Variants in SHANK1 observed in about 807,000 individuals in gnomAD.
SHANK1 encodes SH3 and multiple ankyrin repeat domains 1, also known as SH3 and multiple ankyrin repeat domains protein 1.
SHANK1 carries 35 observed loss-of-function variants against 165.6 expected under a neutral mutation model. The ratio of observed to expected loss-of-function variants is 0.21; its 90% CI spans 0.16 to 0.28. The LOEUF (loss-of-function observed/expected upper bound fraction) is 0.28, where lower values mean the gene tolerates loss of function less well. Among genes scored for constraint, SHANK1 ranks in the 10% least tolerant of loss-of-function variants. The pLI, the probability that SHANK1 is intolerant of heterozygous loss-of-function variation, is 1.00. For synonymous variants in SHANK1, 1,428 were observed against 1,384.8 expected (o/e 1.03, Z -0.69); for missense variants, 2,681 against 3,036.4 (o/e 0.88, Z 2.75).
chr19:50,680,187 CGACA>C (rs1487588704), intron 21 of SHANK1, among the ~76,000 whole-genome samples: 1 of 150,964 alleles, frequency 6.6e-6, no homozygotes, highest in Non-Finnish European at 1.5e-5. Context: ...AGGCGAAGAG[CGACA>C]GACAGAGATG....
At chr19:50,695,803 C>A (rs1185532692) in intron 15 of SHANK1, among the ~76,000 whole-genome samples, 2 of 152,116 alleles carry the variant, frequency 1.3e-5, no homozygotes, top group Admixed American at 6.5e-5. Flanking sequence ...ACCCCTCCCC[C>A]ACCAGAGAAG....
intron 12 of SHANK1, 139 bp from the exon 13 acceptor site, chr19:50,698,095 G>T: frequency 1.5e-6 from 1 of 661,894 alleles, no homozygotes. Flanking sequence ...TGAGGAAGGG[G>T]CGAGGAGCTT....
chr19:50,713,879 C>T lies in SHANK1; in HGVS notation c.711G>A (p.Gly237=). ...VEVIRTLCLG[G]AHIDFRARDG... ...CCCGGGCCCGGAAGTCAATGTGGGCCCCGCCCAGGCACAGGGTTCGAATCA... is the reference window on the plus strand; with the variant it reads ...CCCGGGCCCGGAAGTCAATGTGGGCTCCGCCCAGGCACAGGGTTCGAATCA... Residue 237 remains glycine, a synonymous_variant, in exon 6 of 24, where the codon GGG becomes GGA. Transcript: ENST00000293441. This position sits in a 1 kb window ranked among gnomAD's most constrained non-coding sequence, Gnocchi z 6.2. 1.9e-6 allele frequency: 3 copies of T among 1,613,938 alleles called. No homozygotes were observed. Among genetic ancestry groups the T allele is most frequent in the Non-Finnish European group, 2.5e-6 (3 of 1,179,964 alleles).
chr19:50,663,757 GAAAAGAA>G (rs1985364980), intron 23 of SHANK1, among the ~76,000 whole-genome samples: 3 of 121,746 alleles, frequency 2.5e-5, no homozygotes, highest in Non-Finnish European at 3.7e-5. Flanking sequence ...AAAAAAAAAA[GAAAAGAA>G]AAAAAAAATC....
intron 21 of SHANK1, among the ~76,000 whole-genome samples, chr19:50,676,624 ACT>A (rs1328013403): frequency 1.3e-5 from 2 of 151,882 alleles, no homozygotes; most frequent in Non-Finnish European, 2.9e-5. Context: ...TCCTCCTGTT[ACT>A]CTGTCATAAC....
intron 21 of SHANK1, among the ~76,000 whole-genome samples, chr19:50,683,363 A>T (rs1312431465): frequency 6.6e-6 from 1 of 152,198 alleles, no homozygotes; most frequent in African/African-American, 2.4e-5. Flanking sequence ...TGGGGTTGCC[A>T]CACATTTCCC....
rs778755632 is a variant in SHANK1 at position 50,697,691 on chromosome 19, G to T, written c.1862-27C>A. ...TGCAGGGTGACAACAGACAACCTTG[G>T]ACTCTTGTTTTGGAAACCACAATCC... On this transcript the variant is annotated intron_variant, in intron 13 of 23. Transcript: ENST00000293441. The surrounding 1 kb of genome is among the most constrained non-coding windows in gnomAD (Gnocchi z 4.7). 49 of 1,610,890 alleles carry T rather than the reference G, an allele frequency of 3.0e-5. 1 individual carries two copies. The South Asian group carries it at 4.9e-4, about 16-fold the overall frequency.
At chr19:50,696,457 G>A (rs555175219) in intron 15 of SHANK1, among the ~76,000 whole-genome samples, 25 of 147,758 alleles carry the variant, frequency 1.7e-4, no homozygotes, top group Non-Finnish European at 3.4e-4. Flanking sequence ...ACACAGACAC[G>A]TAGGTTTGGA....
intron 8 of SHANK1, among the ~76,000 whole-genome samples, chr19:50,705,048 GA>G (rs983573763): frequency 4.7e-5 from 7 of 147,652 alleles, no homozygotes; most frequent in African/African-American, 9.9e-5. Flanking sequence ...CTCCCCCCCA[GA>G]AAAAAAAAAT....
intron 8 of SHANK1, among the ~76,000 whole-genome samples, chr19:50,705,818 G>A (rs1351748354): frequency 6.6e-6 from 1 of 152,184 alleles, no homozygotes; most frequent in East Asian, 1.9e-4. Flanking sequence ...CCAGGACATG[G>A]AAATTGTCTC....
rs1986364805 is a variant in SHANK1 at position 50,686,997 on chromosome 19, C to T, written c.2390-185G>A. 1 of 1,461,790 alleles carries T rather than the reference C, an allele frequency of 6.8e-7. No homozygotes were observed. 90.6% of individuals were successfully genotyped at this position (1,461,790 alleles called of 1,614,324 possible). A position where few individuals can be genotyped will look rare whatever the true frequency, so the allele number is the denominator to read the frequency against. On this transcript the variant is annotated intron_variant, in intron 19 of 23. Transcript: ENST00000293441. This position sits in a 1 kb window ranked among gnomAD's most constrained non-coding sequence, Gnocchi z 5.7. Reference sequence around the variant, plus strand: ...GGGTCGGGAGACGGGGGCCCTCCCGCCAGTCCTGTGCCCACTCACCACTCT... The same window carrying T: ...GGGTCGGGAGACGGGGGCCCTCCCGTCAGTCCTGTGCCCACTCACCACTCT...
chr19:50,705,371 C>G (rs1366725920), intron 8 of SHANK1, among the ~76,000 whole-genome samples: 1 of 152,114 alleles, frequency 6.6e-6, no homozygotes, highest in African/African-American at 2.4e-5. Context: ...TGTATTGATT[C>G]TATGTTGAAA....
intron 12 of SHANK1, among the ~76,000 whole-genome samples, chr19:50,698,316 G>A (rs565762560): frequency 5.1e-4 from 77 of 152,182 alleles, no homozygotes; most frequent in African/African-American, 1.8e-3. Flanking sequence ...GATCACGGAT[G>A]GGGCGACAAG....
intron 12 of SHANK1, among the ~76,000 whole-genome samples, chr19:50,699,181 G>C (rs753420148): frequency 6.6e-6 from 1 of 152,236 alleles, no homozygotes; most frequent in Non-Finnish European, 1.5e-5. Context: ...CAAGGGGACT[G>C]GGTTCTTGGC....
rs1441444998 is a variant in SHANK1 at position 50,686,463 on chromosome 19, T to C, written c.2459-108A>G. On this transcript the variant is annotated intron_variant, in intron 20 of 23. Coordinates refer to ENST00000293441, the MANE Select transcript of SHANK1 (RefSeq NM_016148.5). The surrounding 1 kb of genome is among the most constrained non-coding windows in gnomAD (Gnocchi z 5.7). ...GCCCGCAGTTCATCCAGCACCTGGA[T>C]CAACCAGGAAAGGGCAGCCCTGCCT... 2 of 860,816 alleles carry C rather than the reference T, an allele frequency of 2.3e-6. No individual in the cohort carries two copies. Among genetic ancestry groups the C allele is most frequent in the South Asian group, 3.3e-5 (2 of 60,028 alleles). 53.3% of individuals were successfully genotyped at this position (860,816 alleles called of 1,614,324 possible).
chr19:50,675,061 CAAAAAAAAAAAAAA>C (rs10560370), intron 21 of SHANK1, among the ~76,000 whole-genome samples: 1 of 85,706 alleles, frequency 1.2e-5, no homozygotes, highest in Non-Finnish European at 2.2e-5. Flanking sequence ...CACTCGGTCT[CAAAAAAAAAAAAAA>C]AAAAAAAAAA....
chr19:50,711,330 CG>C (rs1568444914), intron 8 of SHANK1, 40 bp downstream of exon 8: 5 of 1,406,392 alleles, frequency 3.6e-6, no homozygotes, highest in Non-Finnish European at 4.9e-6. Flanking sequence ...AGGCGGCTAT[CG>C]GGGATGTGAG....
In SHANK1 at chr19:50,718,670, T is replaced by G. The variant is rs1180487408; in HGVS notation, c.-44+736A>C. Among the ~76,000 whole-genome samples, 4 of 77,488 alleles carry G rather than the reference T, an allele frequency of 5.2e-5. No individual in the cohort carries two copies. Among genetic ancestry groups the G allele is most frequent in the South Asian group, 4.4e-4 (1 of 2,252 alleles). 50.8% of individuals were successfully genotyped at this position (77,488 alleles called of 152,430 possible). A position where few individuals can be genotyped will look rare whatever the true frequency, so the allele number is the denominator to read the frequency against. The stretch of plus-strand genomic sequence containing the variant: ...AGAGAGGGGGTGCCCTGGGAGGCTG[T>G]GGGGGGACAGGGGGCGGCTGGCGTG... On this transcript the variant is annotated intron_variant, in intron 1 of 23. Transcript: ENST00000293441. This position sits in a 1 kb window ranked among gnomAD's most constrained non-coding sequence, Gnocchi z 5.1.
Position 50,716,929 on chromosome 19 carries a change from A to C in SHANK1, c.-10T>G. ...CGGGGCTGTGGGTCATTGTGGGGCCACGGGGCGACGGGGGACGGCAGCATC... is the reference window on the plus strand; with the variant it reads ...CGGGGCTGTGGGTCATTGTGGGGCCCCGGGGCGACGGGGGACGGCAGCATC... On this transcript the variant is annotated 5_prime_UTR_variant, in exon 2 of 24. Coordinates refer to ENST00000293441, the MANE Select transcript of SHANK1 (RefSeq NM_016148.5). The surrounding 1 kb of genome is among the most constrained non-coding windows in gnomAD (Gnocchi z 8.4). 7.0e-7 allele frequency: 1 copy of C among 1,424,232 alleles called. No homozygotes were observed. The highest frequency in any genetic ancestry group is 9.2e-7 in the Non-Finnish European group (1 of 1,089,140). 88.2% of individuals were successfully genotyped at this position (1,424,232 alleles called of 1,614,324 possible). A position where few individuals can be genotyped will look rare whatever the true frequency, so the allele number is the denominator to read the frequency against.
Sources: allele counts gnomAD v4.1 joint callset (sites outside exome capture counted in the v4.1 genomes callset), GRCh38; gene constraint gnomAD v4.1.1; non-coding constraint Gnocchi (gnomAD v3.1); transcripts MANE v1.5; gene names NCBI Gene and HGNC (gene_info 2026-07-23, HGNC 2026-07-21).